TRIM16: variants seen among roughly 807,000 people sequenced by gnomAD.
The protein encoded by TRIM16 is tripartite motif-containing protein 16.
A neutral mutation model predicts 50.4 loss-of-function variants in TRIM16; 33 were observed. The observed-to-expected ratio is 0.65, with a 90% CI of 0.50 to 0.88. The LOEUF (loss-of-function observed/expected upper bound fraction) is 0.88, where lower values mean the gene tolerates loss of function less well. Ranked by LOEUF, TRIM16 falls within the 40% of genes least tolerant of loss-of-function variation. The probability of loss-of-function intolerance (pLI) is 0.00; values close to 1 mark genes in which losing one functional copy is unlikely to be tolerated. For missense variants in TRIM16, 581 were observed against 686.8 expected (o/e 0.85, Z 1.72); for synonymous variants, 229 against 270.7 (o/e 0.85, Z 1.51).
In TRIM16 at chr17:15,651,090, C is replaced by A. The variant is rs1167525926; in HGVS notation, c.519+1G>T. 4 of 1,603,754 alleles carry A rather than the reference C, an allele frequency of 2.5e-6. No individual in the cohort carries two copies. In the South Asian group the frequency reaches 4.5e-5, roughly 18 times the overall value. The stretch of plus-strand genomic sequence containing the variant: ...TGGATGAATGGTCCCCAAGCACTCA[C>A]CTCCTTGTCCCTGCGGGCTGCATCC... On this transcript the variant is annotated splice_donor_variant, in intron 7 of 11. Coordinates refer to ENST00000649191, the MANE Select transcript of TRIM16 (RefSeq NM_001348119.1). LOFTEE classifies it high-confidence loss of function.
intron 8 of TRIM16, among the ~76,000 whole-genome samples, chr17:15,640,069 A>G (rs139032785): frequency 0.062 from 9,202 of 149,160 alleles, 1,338 homozygotes; most frequent in African/African-American, 0.2. Flanking sequence ...TAAGGAAACT[A>G]AGACAGTGAT....
intron 6 of TRIM16, among the ~76,000 whole-genome samples, chr17:15,652,780 C>G (rs1987789443): frequency 6.6e-6 from 1 of 151,932 alleles, no homozygotes; most frequent in Non-Finnish European, 1.5e-5. Flanking sequence ...ACTTCTGATG[C>G]TGACTTTTCC....
intron 7 of TRIM16, among the ~76,000 whole-genome samples, chr17:15,643,629 C>G (rs1420282974): frequency 6.6e-6 from 1 of 150,418 alleles, no homozygotes; most frequent in East Asian, 2.0e-4. Context: ...AGCTGTGTCA[C>G]AGACCATTGG....
chr17:15,663,772 A>G (rs1386290707), intron 6 of TRIM16, among the ~76,000 whole-genome samples: 1 of 152,160 alleles, frequency 6.6e-6, no homozygotes, highest in Non-Finnish European at 1.5e-5. Flanking sequence ...ACCAGTCTCC[A>G]TACAATGAAT....
At chr17:15,664,697 G>C (rs1988398052) in intron 6 of TRIM16, among the ~76,000 whole-genome samples, 1 of 152,088 alleles carries the variant, frequency 6.6e-6, no homozygotes, top group South Asian at 2.1e-4. Context: ...TCCTGTCACA[G>C]TATCAACGTC....
At chr17:15,656,381 G>A (rs777303543) in intron 6 of TRIM16, among the ~76,000 whole-genome samples, 1 of 151,932 alleles carries the variant, frequency 6.6e-6, no homozygotes, top group Non-Finnish European at 1.5e-5. Flanking sequence ...GTCTCTCCTC[G>A]GATTCTGCTT....
At chr17:15,667,970 CT>C (rs1465203086) in intron 6 of TRIM16, among the ~76,000 whole-genome samples, 1 of 152,080 alleles carries the variant, frequency 6.6e-6, no homozygotes, top group Non-Finnish European at 1.5e-5. Context: ...TAGCCACTAT[CT>C]TATAACCCTT....
At chr17:15,676,431 CT>C (rs57392285) in intron 6 of TRIM16, among the ~76,000 whole-genome samples, 9,772 of 125,554 alleles carry the variant, frequency 0.078, 718 homozygotes, top group African/African-American at 0.22. Context: ...AGAATTTTTT[CT>C]TTTTTTTTTT....
intron 6 of TRIM16, among the ~76,000 whole-genome samples, chr17:15,656,676 T>TC (rs1987996750): frequency 6.6e-6 from 1 of 152,104 alleles, no homozygotes; most frequent in Non-Finnish European, 1.5e-5. Context: ...GCTCCCAGCC[T>TC]CCCCCTCTAC....
At chr17:15,646,686 C>T (rs1987396262) in intron 7 of TRIM16, among the ~76,000 whole-genome samples, 1 of 150,170 alleles carries the variant, frequency 6.7e-6, no homozygotes, top group African/African-American at 2.5e-5. Context: ...ATAGAAAGAA[C>T]AGGGAGAGTG....
chr17:15,654,407 A>G (rs1987873493), intron 6 of TRIM16: 1 of 152,136 alleles, frequency 6.6e-6, no homozygotes, highest in Admixed American at 6.5e-5. Flanking sequence ...CATGCATCCT[A>G]TTCCTAGCTG....
chr17:15,651,664 T>C lies in TRIM16; in HGVS notation c.-55A>G, dbSNP rs764665356. On this transcript the variant is annotated 5_prime_UTR_variant, in exon 7 of 12. Coordinates refer to ENST00000649191, the MANE Select transcript of TRIM16 (RefSeq NM_001348119.1). Reference sequence around the variant, plus strand: ...CTTCTGTCCCTTGGCCCAGGATCTGTGCAGCCCAAGTCAGACAAGAGAACC... The same window carrying C: ...CTTCTGTCCCTTGGCCCAGGATCTGCGCAGCCCAAGTCAGACAAGAGAACC... The C allele has an allele frequency of 1.3e-6, 2 of 1,579,180 alleles. No homozygotes were observed. Among genetic ancestry groups the C allele is most frequent in the South Asian group, 2.3e-5 (2 of 87,994 alleles).
chr17:15,682,994 G>C, intron 2 of TRIM16, 42 bp downstream of exon 2: 2 of 1,550,078 alleles, frequency 1.3e-6, no homozygotes, highest in South Asian at 1.2e-5. Flanking sequence ...GCATACTGCA[G>C]ATTCTTGGCT....
intron 7 of TRIM16, among the ~76,000 whole-genome samples, chr17:15,647,888 A>T (rs1313199433): frequency 6.6e-6 from 1 of 151,490 alleles, no homozygotes; most frequent in Non-Finnish European, 1.5e-5. Context: ...GATTCAGAGA[A>T]GGTGAGAAGA....
intron 6 of TRIM16, among the ~76,000 whole-genome samples, chr17:15,653,358 A>G (rs1225854912): frequency 1.3e-5 from 2 of 152,164 alleles, no homozygotes; most frequent in African/African-American, 4.8e-5. Flanking sequence ...CCCCTCAGGT[A>G]TTCCTTTACA....
At chr17:15,668,776 T>C (rs1988607970) in intron 6 of TRIM16, among the ~76,000 whole-genome samples, 1 of 152,138 alleles carries the variant, frequency 6.6e-6, no homozygotes, top group Admixed American at 6.6e-5. Flanking sequence ...AAAAACAGAT[T>C]CATATACGTA....
chr17:15,654,018 G>A (rs2150921634), intron 6 of TRIM16, among the ~76,000 whole-genome samples: 1 of 152,248 alleles, frequency 6.6e-6, no homozygotes, highest in East Asian at 1.9e-4. Context: ...AGGGGGAGGG[G>A]TCAGATCCAC....
chr17:15,630,410 C>G (rs1986355325), intron 11 of TRIM16, among the ~76,000 whole-genome samples: 1 of 152,212 alleles, frequency 6.6e-6, no homozygotes, highest in Non-Finnish European at 1.5e-5. Flanking sequence ...TGTCCTCCCT[C>G]TAATCTATCA....
At chr17:15,669,376 C>A (rs1890157545) in intron 6 of TRIM16, among the ~76,000 whole-genome samples, 1 of 151,732 alleles carries the variant, frequency 6.6e-6, no homozygotes, top group Admixed American at 6.6e-5. Context: ...AAATGAGATA[C>A]CTCTAAATTA....
Sources: gnomAD v4.1 joint callset for allele counts (sites outside exome capture counted in the v4.1 genomes callset) on GRCh38, gnomAD v4.1.1 for gene constraint, MANE v1.5 for transcripts, NCBI Gene and HGNC (gene_info 2026-07-23, HGNC 2026-07-21) for gene names.